PPP2R2B: variants seen among roughly 807,000 people sequenced by gnomAD.
PPP2R2B encodes the protein protein phosphatase 2 regulatory subunit Bbeta.
In PPP2R2B, 5 loss-of-function variants were observed where a neutral mutation model predicts 46.0. That is an observed-to-expected ratio of 0.11 (90% CI 0.06 to 0.23). The LOEUF (loss-of-function observed/expected upper bound fraction) is 0.23, where lower values mean the gene tolerates loss of function less well. Ranked by LOEUF, PPP2R2B falls within the 10% of genes least tolerant of loss-of-function variation. PPP2R2B has a pLI of 1.00. For missense variants in PPP2R2B, 367 were observed against 575.0 expected (o/e 0.64, Z 3.70); for synonymous variants, 215 against 206.7 (o/e 1.04, Z -0.34).
chr5:146,731,955 C>A (rs543304188), intron 2 of PPP2R2B, among the ~76,000 whole-genome samples: 3 of 152,118 alleles, frequency 2.0e-5, no homozygotes, highest in African/African-American at 7.2e-5. Flanking sequence ...AAAGTTAGAG[C>A]GTAAATATCT....
At chr5:146,633,188 C>A (rs1418758487) in intron 7 of PPP2R2B, among the ~76,000 whole-genome samples, 2 of 152,196 alleles carry the variant, frequency 1.3e-5, no homozygotes, top group Non-Finnish European at 2.9e-5. Context: ...CCAACCCCTG[C>A]TGAGTATGCA....
intron 2 of PPP2R2B, among the ~76,000 whole-genome samples, chr5:147,067,315 C>T (rs1278489542): frequency 6.6e-6 from 1 of 152,054 alleles, no homozygotes; most frequent in Non-Finnish European, 1.5e-5. Flanking sequence ...TATCCTCAAC[C>T]TCCTCTTACC....
intron 1 of PPP2R2B, among the ~76,000 whole-genome samples, chr5:146,961,649 T>C (rs193060400): frequency 3.7e-4 from 57 of 152,290 alleles, no homozygotes; most frequent in African/African-American, 1.3e-3. Flanking sequence ...ATGCCTTTTA[T>C]ATGTTAAGAG....
intron 1 of PPP2R2B, among the ~76,000 whole-genome samples, chr5:147,035,604 A>C (rs9325031): frequency 0.72 from 108,993 of 152,048 alleles, 39,564 homozygotes; most frequent in South Asian, 0.8. Flanking sequence ...TTAGCTTGAC[A>C]TATTTATTCT....
chr5:146,735,507 TG>T (rs1426862839), intron 2 of PPP2R2B, among the ~76,000 whole-genome samples: 2 of 152,220 alleles, frequency 1.3e-5, no homozygotes, highest in African/African-American at 4.8e-5. Context: ...AATAGAATGC[TG>T]CAAGGTTCGA....
intron 5 of PPP2R2B, 105 bp from the exon 6 acceptor site, chr5:146,650,829 T>C: frequency 9.6e-7 from 1 of 1,042,088 alleles, no homozygotes; most frequent in South Asian, 1.8e-5. Context: ...AATAGCCACA[T>C]TGAAGAAACT....
intron 2 of PPP2R2B, among the ~76,000 whole-genome samples, chr5:146,742,133 G>T (rs780709071): frequency 1.6e-4 from 25 of 152,142 alleles, no homozygotes; most frequent in Non-Finnish European, 3.1e-4. Flanking sequence ...AGAATTACTG[G>T]CTAACCATCT....
At chr5:146,886,207 C>T (rs547758738) in intron 1 of PPP2R2B, among the ~76,000 whole-genome samples, 3 of 152,014 alleles carry the variant, frequency 2.0e-5, no homozygotes, top group Admixed American at 6.6e-5. Context: ...GGCGTGGTGG[C>T]GGGCCCCTGT....
intron 5 of PPP2R2B, among the ~76,000 whole-genome samples, chr5:146,676,647 C>A (rs1170172329): frequency 1.3e-5 from 2 of 152,132 alleles, no homozygotes; most frequent in Non-Finnish European, 2.9e-5. Context: ...CCTCTAGAGG[C>A]CCCATTACAC....
intron 1 of PPP2R2B, among the ~76,000 whole-genome samples, chr5:146,896,218 C>A (rs1413589684): frequency 6.6e-6 from 1 of 152,114 alleles, no homozygotes; most frequent in East Asian, 1.9e-4. Flanking sequence ...ATAATCAAAT[C>A]ATCCACAATT....
chr5:146,700,422 C>T (rs1316818403), intron 3 of PPP2R2B, among the ~76,000 whole-genome samples: 2 of 152,156 alleles, frequency 1.3e-5, no homozygotes, highest in African/African-American at 4.8e-5. Context: ...AAACCCATGT[C>T]TCAGGAAGAA....
At chr5:146,628,033 C>T (rs1478185257) in intron 7 of PPP2R2B, among the ~76,000 whole-genome samples, 1 of 152,064 alleles carries the variant, frequency 6.6e-6, no homozygotes, top group Non-Finnish European at 1.5e-5. Context: ...CAACCTCCAC[C>T]TCCTGGGCTC....
In PPP2R2B at chr5:146,760,990, C is replaced by T. The variant is rs200282006; in HGVS notation, c.71-59848G>A. Among the ~76,000 whole-genome samples, 119 of 152,170 alleles carry T rather than the reference C, an allele frequency of 7.8e-4. 1 individual carries two copies. The East Asian group carries it at 0.017, about 22-fold the overall frequency. On this transcript the variant is annotated intron_variant, in intron 2 of 9. Coordinates refer to ENST00000394411, the MANE Select transcript of PPP2R2B (RefSeq NM_181675.4). ...TACCATCTCACACCAGTTAGAATAGCGATCATTAAAAAGTCAGGAAACAAC... is the reference window on the plus strand; with the variant it reads ...TACCATCTCACACCAGTTAGAATAGTGATCATTAAAAAGTCAGGAAACAAC...
At chr5:146,769,546 G>C (rs962554296) in intron 2 of PPP2R2B, among the ~76,000 whole-genome samples, 23 of 152,300 alleles carry the variant, frequency 1.5e-4, no homozygotes, top group African/African-American at 5.3e-4. Context: ...TGAGGTACAA[G>C]ACAATATCTG....
chr5:146,707,681 T>C, intron 2 of PPP2R2B: 1 of 543,612 alleles, frequency 1.8e-6, no homozygotes, highest in Non-Finnish European at 3.3e-6. Context: ...TGGTAGAATA[T>C]ATCTTTTCTA....
intron 1 of PPP2R2B, among the ~76,000 whole-genome samples, chr5:146,900,029 A>G (rs1762773778): frequency 6.6e-6 from 1 of 152,224 alleles, no homozygotes; most frequent in Non-Finnish European, 1.5e-5. Flanking sequence ...TCAAAGTTCC[A>G]TGAAAGAACA....
At chr5:147,077,867 A>G (rs1757836826) in intron 2 of PPP2R2B, among the ~76,000 whole-genome samples, 1 of 152,234 alleles carries the variant, frequency 6.6e-6, no homozygotes, top group South Asian at 2.1e-4. Context: ...TATGCAACAC[A>G]AACATTTCAA....
At chr5:146,703,500 C>T (rs1253947029) in intron 2 of PPP2R2B, among the ~76,000 whole-genome samples, 1 of 152,112 alleles carries the variant, frequency 6.6e-6, no homozygotes, top group Non-Finnish European at 1.5e-5. Context: ...AAGGGCCTTA[C>T]AATGAGAACT....
intron 1 of PPP2R2B, among the ~76,000 whole-genome samples, chr5:146,942,991 G>A (rs574479896): frequency 3.9e-5 from 6 of 152,188 alleles, no homozygotes; most frequent in Admixed American, 3.3e-4. Context: ...TAGAGACAGG[G>A]TTTCACCGTG....
Sources: allele counts gnomAD v4.1 joint callset (sites outside exome capture counted in the v4.1 genomes callset), GRCh38; gene constraint gnomAD v4.1.1; transcripts MANE v1.5; gene names NCBI Gene and HGNC (gene_info 2026-07-23, HGNC 2026-07-21).